Variants in FBXW4 observed in about 807,000 individuals in gnomAD.
The protein encoded by FBXW4 is F-box/WD repeat-containing protein 4.
A neutral mutation model predicts 61.8 loss-of-function variants in FBXW4; 40 were observed. The ratio of observed to expected loss-of-function variants is 0.65; its 90% CI spans 0.50 to 0.84. The LOEUF is 0.84. Among genes scored for constraint, FBXW4 ranks in the 40% least tolerant of loss-of-function variants. The probability of loss-of-function intolerance (pLI) is 0.00; values close to 1 mark genes in which losing one functional copy is unlikely to be tolerated. For synonymous variants in FBXW4, 311 were observed against 313.8 expected (o/e 0.99, Z 0.10); for missense variants, 672 against 753.8 (o/e 0.89, Z 1.27).
intron 5 of FBXW4, among the ~76,000 whole-genome samples, chr10:101,648,813 G>A (rs770656903): frequency 7.9e-5 from 12 of 152,276 alleles, no homozygotes; most frequent in South Asian, 2.1e-4. Flanking sequence ...CAGGTTTTCT[G>A]ATCAGTATTG....
chr10:101,681,718 A>AACT, intron 1 of FBXW4, among the ~76,000 whole-genome samples: 1 of 143,406 alleles, frequency 7.0e-6, no homozygotes, highest in African/African-American at 2.5e-5. Flanking sequence ...CTCCGTCTCA[A>AACT]AATAATAATA....
At chr10:101,632,177 CACCTCTCCCAGTACACAT>C (rs1286978234) in intron 5 of FBXW4, among the ~76,000 whole-genome samples, 1 of 152,074 alleles carries the variant, frequency 6.6e-6, no homozygotes, top group Non-Finnish European at 1.5e-5. Context: ...AGGTCTGGGA[CACCTCTCCCAGTACACAT>C]ACCACACATA....
chr10:101,685,056 A>T (rs1190605152), intron 1 of FBXW4, among the ~76,000 whole-genome samples: 2 of 152,114 alleles, frequency 1.3e-5, no homozygotes, highest in African/African-American at 4.8e-5. Context: ...CCACCAAGCC[A>T]ATCTCTTCCA....
intron 5 of FBXW4, among the ~76,000 whole-genome samples, chr10:101,666,172 C>T (rs2064297957): frequency 6.6e-6 from 1 of 152,210 alleles, no homozygotes. Flanking sequence ...CACTTAGCCT[C>T]TCCACTCCCT....
intron 6 of FBXW4, among the ~76,000 whole-genome samples, chr10:101,616,173 G>A (rs1257651031): frequency 6.6e-6 from 1 of 152,176 alleles, no homozygotes; most frequent in Admixed American, 6.5e-5. Context: ...CTTTTGGAGA[G>A]AGAGAGAGGA....
intron 5 of FBXW4, among the ~76,000 whole-genome samples, chr10:101,658,670 T>C (rs1429958526): frequency 6.6e-6 from 1 of 151,926 alleles, no homozygotes; most frequent in Non-Finnish European, 1.5e-5. Context: ...GAGGATGGAG[T>C]GATCCTTCTA....
chr10:101,638,524 G>A (rs1322437546), intron 5 of FBXW4, among the ~76,000 whole-genome samples: 1 of 151,244 alleles, frequency 6.6e-6, no homozygotes, highest in South Asian at 2.1e-4. Context: ...AACGGGAGGG[G>A]ACACAGGTCA....
At chr10:101,613,743 C>G (rs1345470303) in intron 6 of FBXW4, among the ~76,000 whole-genome samples, 1 of 152,212 alleles carries the variant, frequency 6.6e-6, no homozygotes, top group East Asian at 1.9e-4. Context: ...ACTGGGGGTT[C>G]CTTTCTGCCC....
intron 1 of FBXW4, among the ~76,000 whole-genome samples, chr10:101,692,108 T>G (rs1256940964): frequency 4.0e-5 from 6 of 151,734 alleles, no homozygotes; most frequent in African/African-American, 1.5e-4. Context: ...GACAGAGAGT[T>G]GAACAGAAGT....
chr10:101,672,842 G>A (rs533152085), intron 4 of FBXW4, 73 bp downstream of exon 4: 92 of 1,543,532 alleles, frequency 6.0e-5, no homozygotes, highest in Non-Finnish European at 4.6e-5. Context: ...CCAATCCTGA[G>A]ACTCAGGGAT....
chr10:101,690,154 C>T (rs1237544543), intron 1 of FBXW4, among the ~76,000 whole-genome samples: 1 of 152,126 alleles, frequency 6.6e-6, no homozygotes, highest in African/African-American at 2.4e-5. Flanking sequence ...CCATTATTTG[C>T]GTTTGTTAAT....
At chr10:101,688,605 A>T (rs954164328) in intron 1 of FBXW4, among the ~76,000 whole-genome samples, 14 of 152,206 alleles carry the variant, frequency 9.2e-5, no homozygotes, top group Non-Finnish European at 1.9e-4. Flanking sequence ...CATATTCTTA[A>T]TTACCATAAC....
intron 1 of FBXW4, among the ~76,000 whole-genome samples, chr10:101,682,822 T>C (rs368388670): frequency 3.3e-5 from 5 of 152,094 alleles, no homozygotes; most frequent in African/African-American, 1.2e-4. Context: ...GCTGTAGTCC[T>C]TCAAATTTAG....
chr10:101,678,703 C>T (rs929231598), intron 1 of FBXW4, among the ~76,000 whole-genome samples: 1 of 152,192 alleles, frequency 6.6e-6, no homozygotes, highest in Non-Finnish European at 1.5e-5. Context: ...GCTGGGATTA[C>T]AGGCATGAGC....
At chr10:101,681,404 T>TA (rs2064474520) in intron 1 of FBXW4, among the ~76,000 whole-genome samples, 2 of 126,972 alleles carry the variant, frequency 1.6e-5, no homozygotes, top group African/African-American at 6.0e-5. Context: ...AAAAAAATAA[T>TA]AATAATAATA....
intron 1 of FBXW4, among the ~76,000 whole-genome samples, chr10:101,692,482 G>T (rs2064616867): frequency 6.6e-6 from 1 of 151,854 alleles, no homozygotes; most frequent in African/African-American, 2.4e-5. Flanking sequence ...TAGGCCAGGC[G>T]CCATGGCTCA....
chr10:101,611,766 T>C lies in FBXW4; in HGVS notation c.1446A>G (p.Lys482=), dbSNP rs776222446. ...GGGGCTCCTCCCACTCCATGACACA[T>C]TTCCTGTCCAGGAAGAGGAGAAGCA... ...RYWDLRTSVR[K]CVMEWEEPHD... The change falls in exon 8 of 9, where the codon AAA becomes AAG. Residue 482 remains lysine, a synonymous_variant. Transcript: ENST00000331272. The surrounding 1 kb of genome is among the most constrained non-coding windows in gnomAD (Gnocchi z 4.9). The C allele has an allele frequency of 4.3e-6, 7 of 1,612,828 alleles. No homozygotes were observed. The highest frequency in any genetic ancestry group is 5.9e-6 in the Non-Finnish European group (7 of 1,179,130).
At chr10:101,692,258 A>G (rs949038893) in intron 1 of FBXW4, among the ~76,000 whole-genome samples, 3 of 151,586 alleles carry the variant, frequency 2.0e-5, no homozygotes, top group Non-Finnish European at 4.4e-5. Flanking sequence ...GAGTTCAGAT[A>G]TAGATCCAAT....
At chr10:101,659,572 T>C (rs984020886) in intron 5 of FBXW4, among the ~76,000 whole-genome samples, 2 of 152,242 alleles carry the variant, frequency 1.3e-5, no homozygotes, top group Admixed American at 6.5e-5. Context: ...TCTTGTCATC[T>C]ACAGATCAAC....
Sources: gnomAD v4.1 joint callset for allele counts (sites outside exome capture counted in the v4.1 genomes callset) on GRCh38, gnomAD v4.1.1 for gene constraint, Gnocchi (gnomAD v3.1) non-coding constraint, MANE v1.5 for transcripts, NCBI Gene and HGNC (gene_info 2026-07-23, HGNC 2026-07-21) for gene names.